NKAIN2: variants seen among roughly 807,000 people sequenced by gnomAD.
The protein encoded by NKAIN2 is sodium/potassium-transporting ATPase subunit beta-1-interacting protein 2.
Under a neutral mutation model 32.6 loss-of-function variants are expected in NKAIN2, and 14 were observed. That is an observed-to-expected ratio of 0.43 (90% CI 0.28 to 0.67). The LOEUF is 0.67. Ranked by LOEUF, NKAIN2 falls within the 30% of genes least tolerant of loss-of-function variation. NKAIN2 has a pLI of 0.17. For synonymous variants in NKAIN2, 80 were observed against 87.2 expected, an observed-to-expected ratio of 0.92 and a Z score of 0.46; for missense variants, 198 against 258.3, an observed-to-expected ratio of 0.77 and a Z score of 1.60.
chr6:124,342,822 T>C (rs1052418229), intron 2 of NKAIN2, among the ~76,000 whole-genome samples: 1 of 111,418 alleles, frequency 9.0e-6, no homozygotes, highest in Non-Finnish European at 1.9e-5. Context: ...GTTTTATTAT[T>C]ATTATTATTA....
chr6:123,868,166 C>T (rs952128137), intron 1 of NKAIN2, among the ~76,000 whole-genome samples: 1 of 152,126 alleles, frequency 6.6e-6, no homozygotes, highest in African/African-American at 2.4e-5. Context: ...CTGTGCCCAG[C>T]CTGTACTGGG....
intron 1 of NKAIN2, among the ~76,000 whole-genome samples, chr6:123,976,588 G>A (rs796437107): frequency 6.0e-5 from 9 of 151,196 alleles, no homozygotes; most frequent in African/African-American, 1.9e-4. Flanking sequence ...CAACTGAAAG[G>A]ATGAGGCCCA....
At position 124,526,600 on chromosome 6, in the gene NKAIN2, G is replaced by A. The variant is rs560095516; in HGVS notation, c.274-131586G>A. Among the ~76,000 whole-genome samples, 4 of 152,190 alleles carry A rather than the reference G, an allele frequency of 2.6e-5. No individual in the cohort carries two copies. In the South Asian group the frequency reaches 8.3e-4, roughly 32 times the overall value. On this transcript the variant is annotated intron_variant, in intron 3 of 6. Transcript: ENST00000368417. ...ATGGGTTATCTCTCATGGACTCAGA[G>A]AAAAGAGAACTGTAAAGAAAGAAAA...
At chr6:124,005,540 T>A (rs1426220980) in intron 1 of NKAIN2, among the ~76,000 whole-genome samples, 3 of 152,150 alleles carry the variant, frequency 2.0e-5, no homozygotes, top group Admixed American at 1.3e-4. Flanking sequence ...AATCTGCATG[T>A]TCATATCTCA....
chr6:124,464,996 A>G (rs1776687070), intron 3 of NKAIN2, among the ~76,000 whole-genome samples: 1 of 152,096 alleles, frequency 6.6e-6, no homozygotes, highest in Admixed American at 6.6e-5. Flanking sequence ...CTTCCTATCC[A>G]TGAGCGTGTA....
intron 1 of NKAIN2, among the ~76,000 whole-genome samples, chr6:123,906,261 C>T (rs1460296714): frequency 2.0e-5 from 3 of 151,564 alleles, no homozygotes; most frequent in Admixed American, 6.6e-5. Context: ...ATTAGCACCA[C>T]TTTCTTCTTC....
rs569541373 is a variant in NKAIN2 at position 123,803,949 on chromosome 6, C to T, written c.-252C>T. On this transcript the variant is annotated 5_prime_UTR_variant, in exon 1 of 7. Transcript: ENST00000368417. The stretch of plus-strand genomic sequence containing the variant: ...GCGCGCCTCCGCAGGCGGCACTGCC[C>T]GCGGCGCGGCGTGTGCACCGAGCGA... Among the ~76,000 whole-genome samples the T allele has an allele frequency of 4.0e-5, 6 of 150,716 alleles. No homozygotes were observed. Among genetic ancestry groups the T allele is most frequent in the African/African-American group, 9.7e-5 (4 of 41,348 alleles).
intron 3 of NKAIN2, among the ~76,000 whole-genome samples, chr6:124,452,409 G>A (rs1776147795): frequency 6.6e-6 from 1 of 151,572 alleles, no homozygotes; most frequent in African/African-American, 2.4e-5. Context: ...ACTTCTATTG[G>A]GGTTTATTTT....
At chr6:124,675,842 T>G (rs1157696032) in intron 4 of NKAIN2, among the ~76,000 whole-genome samples, 1 of 152,040 alleles carries the variant, frequency 6.6e-6, no homozygotes, top group East Asian at 1.9e-4. Flanking sequence ...CATTTAATGT[T>G]TACTACTTCC....
intron 1 of NKAIN2, among the ~76,000 whole-genome samples, chr6:123,805,521 C>T (rs548507241): frequency 2.6e-5 from 4 of 152,204 alleles, no homozygotes; most frequent in East Asian, 1.9e-4. Flanking sequence ...GTGATTTATG[C>T]GCTTATGCAC....
chr6:124,058,037 T>C (rs1782743118), intron 1 of NKAIN2, among the ~76,000 whole-genome samples: 1 of 152,072 alleles, frequency 6.6e-6, no homozygotes, highest in African/African-American at 2.4e-5. Flanking sequence ...TGAGATTAGA[T>C]AATAGTTATA....
intron 1 of NKAIN2, among the ~76,000 whole-genome samples, chr6:123,870,504 A>T (rs138799815): frequency 3.3e-5 from 5 of 152,176 alleles, no homozygotes; most frequent in African/African-American, 1.2e-4. Flanking sequence ...GCAACGATTG[A>T]TGTTCTCTAA....
chr6:124,723,898 A>G (rs926284369), intron 4 of NKAIN2, among the ~76,000 whole-genome samples: 8 of 152,298 alleles, frequency 5.3e-5, no homozygotes, highest in South Asian at 2.1e-4. Context: ...TTGTGTTTCT[A>G]TAGTTCTGTG....
intron 3 of NKAIN2, among the ~76,000 whole-genome samples, chr6:124,629,633 T>A (rs1783485834): frequency 6.6e-6 from 1 of 152,166 alleles, no homozygotes; most frequent in South Asian, 2.1e-4. Context: ...ATTCAATTCT[T>A]TTAGCCACTC....
chr6:123,914,498 C>G (rs1775392011), intron 1 of NKAIN2, among the ~76,000 whole-genome samples: 1 of 151,960 alleles, frequency 6.6e-6, no homozygotes, highest in Non-Finnish European at 1.5e-5. Context: ...CCTTAGAGGC[C>G]CCATTTCAAA....
intron 6 of NKAIN2, among the ~76,000 whole-genome samples, chr6:124,822,233 A>T (rs1781422580): frequency 6.6e-6 from 1 of 152,136 alleles, no homozygotes; most frequent in Non-Finnish European, 1.5e-5. Context: ...AAACTGACAC[A>T]CCTATAAACC....
At chr6:123,857,784 G>A (rs1775612796) in intron 1 of NKAIN2, among the ~76,000 whole-genome samples, 1 of 152,024 alleles carries the variant, frequency 6.6e-6, no homozygotes, top group South Asian at 2.1e-4. Context: ...GTATTCATCA[G>A]GCACACTGCA....
intron 4 of NKAIN2, among the ~76,000 whole-genome samples, chr6:124,737,059 G>A (rs189634208): frequency 1.3e-5 from 2 of 151,974 alleles, no homozygotes; most frequent in Admixed American, 1.3e-4. Flanking sequence ...CATGAGAGGA[G>A]GTCAAAGTTT....
intron 1 of NKAIN2, among the ~76,000 whole-genome samples, chr6:123,883,658 T>TTTTA (rs577012613): frequency 1.6e-4 from 23 of 145,216 alleles, no homozygotes; most frequent in Admixed American, 2.1e-4. Context: ...AAATTTTTTT[T>TTTTA]AAAATTTTAA....
Sources: gnomAD v4.1 joint callset for allele counts (sites outside exome capture counted in the v4.1 genomes callset) on GRCh38, gnomAD v4.1.1 for gene constraint, MANE v1.5 for transcripts, NCBI Gene and HGNC (gene_info 2026-07-23, HGNC 2026-07-21) for gene names.